Variants in SHISA9 observed in about 807,000 individuals in gnomAD.
The protein encoded by SHISA9 is protein shisa-9.
In SHISA9, 13 loss-of-function variants were observed where a neutral mutation model predicts 38.0. The observed-to-expected ratio is 0.34, with a 90% CI of 0.22 to 0.54. SHISA9 has a LOEUF of 0.54. Among genes scored for constraint, SHISA9 ranks in the 20% least tolerant of loss-of-function variants. The pLI is 0.91. For synonymous variants in SHISA9, 275 were observed against 242.0 expected (o/e 1.14, Z -1.27); for missense variants, 538 against 575.8 (o/e 0.93, Z 0.67).
At chr16:12,914,762 G>A (rs1317619827) in intron 1 of SHISA9, among the ~76,000 whole-genome samples, 5 of 152,180 alleles carry the variant, frequency 3.3e-5, no homozygotes, top group Non-Finnish European at 7.3e-5. Context: ...TGTGGCCTTA[G>A]CACGGTCTCA....
intron 2 of SHISA9, among the ~76,000 whole-genome samples, chr16:13,069,422 GTATGTGTA>G (rs1442420592): frequency 6.7e-6 from 1 of 150,188 alleles, no homozygotes; most frequent in Non-Finnish European, 1.5e-5. Context: ...GCATGTGTGT[GTATGTGTA>G]TGTGTATATG....
the SHISA9 span, among the ~76,000 whole-genome samples, chr16:13,435,707 A>G: frequency 6.6e-6 from 1 of 152,198 alleles, no homozygotes; most frequent in African/African-American, 2.4e-5. Context: ...CTGAGGTGAC[A>G]GGTTTTGCAA....
chr16:13,094,362 C>A (rs1015689696), intron 2 of SHISA9, among the ~76,000 whole-genome samples: 1 of 152,072 alleles, frequency 6.6e-6, no homozygotes, highest in African/African-American at 2.4e-5. Context: ...TATACTCATT[C>A]TTATAAAATC....
chr16:13,142,149 G>C (rs1425883464), intron 2 of SHISA9, among the ~76,000 whole-genome samples: 2 of 152,132 alleles, frequency 1.3e-5, no homozygotes, highest in African/African-American at 4.8e-5. Context: ...GGTTCTGCTG[G>C]GTATGACTCT....
At chr16:13,039,011 T>G (rs1480260469) in intron 2 of SHISA9, among the ~76,000 whole-genome samples, 1 of 152,108 alleles carries the variant, frequency 6.6e-6, no homozygotes, top group African/African-American at 2.4e-5. Context: ...TGGATTCAAG[T>G]GATTCTCCTG....
intron 2 of SHISA9, among the ~76,000 whole-genome samples, chr16:13,065,998 C>T (rs2073430432): frequency 6.6e-6 from 1 of 152,182 alleles, no homozygotes; most frequent in African/African-American, 2.4e-5. Context: ...GGGTTCAAAC[C>T]CAAGACCTTC....
Position 13,079,572 on chromosome 16 carries a change from G to C in SHISA9, c.692-123822G>C, listed in dbSNP as rs559488136. On this transcript the variant is annotated intron_variant, in intron 2 of 4. Transcript: ENST00000558583. ...CAAAAAAGTGCTTTAACAAGAGGAG[G>C]CTGCTTGTGCCAATCATAAACACCC... Among the ~76,000 whole-genome samples the C allele has an allele frequency of 2.2e-4, 34 of 152,250 alleles. No individual in the cohort carries two copies. The South Asian group carries it at 7.1e-3, about 32-fold the overall frequency.
At chr16:13,022,290 G>C (rs2072865736) in intron 2 of SHISA9, among the ~76,000 whole-genome samples, 1 of 151,144 alleles carries the variant, frequency 6.6e-6, no homozygotes, top group Admixed American at 6.6e-5. Flanking sequence ...TAACTGGGAC[G>C]ACAGGCATGC....
In SHISA9 at chr16:13,211,979, C is replaced by G. The variant is rs376564826; in HGVS notation, c.848-1274C>G. On this transcript the variant is annotated intron_variant, in intron 3 of 4. Transcript: ENST00000558583. ...CCGACTCAGTTTTAACTTCCTCACTCTTCTCTCTTCTGTTGCTCCAATTGT... is the reference window on the plus strand; with the variant it reads ...CCGACTCAGTTTTAACTTCCTCACTGTTCTCTCTTCTGTTGCTCCAATTGT... Among the ~76,000 whole-genome samples, 171 of 152,288 alleles carry G rather than the reference C, an allele frequency of 1.1e-3. 2 individuals are homozygous for G. In the South Asian group the frequency reaches 0.033, roughly 30 times the overall value.
At chr16:13,052,634 A>C (rs1361379602) in intron 2 of SHISA9, among the ~76,000 whole-genome samples, 1 of 152,252 alleles carries the variant, frequency 6.6e-6, no homozygotes, top group Non-Finnish European at 1.5e-5. Context: ...CACCCAACCA[A>C]GAAATCCATA....
chr16:13,412,580 G>C, the SHISA9 span, among the ~76,000 whole-genome samples: 1 of 152,062 alleles, frequency 6.6e-6, no homozygotes, highest in Non-Finnish European at 1.5e-5. Context: ...AAGGAGGCCG[G>C]GCATGATGGC....
chr16:13,005,367 A>T (rs2072585480), intron 2 of SHISA9, among the ~76,000 whole-genome samples: 1 of 152,170 alleles, frequency 6.6e-6, no homozygotes, highest in Admixed American at 6.5e-5. Flanking sequence ...GTATGGGTGA[A>T]GGGCAACCAA....
chr16:13,256,578 C>T, the SHISA9 span, among the ~76,000 whole-genome samples: 12 of 152,318 alleles, frequency 7.9e-5, no homozygotes, highest in African/African-American at 2.9e-4. Context: ...CTGCACCTGG[C>T]CGTATATTGT....
chr16:13,538,508 T>C, the SHISA9 span, among the ~76,000 whole-genome samples: 2 of 152,064 alleles, frequency 1.3e-5, no homozygotes, highest in Non-Finnish European at 2.9e-5. Context: ...CTTTGGAAAA[T>C]GGATTTTAAA....
At chr16:12,957,575 C>T (rs1292845924) in intron 2 of SHISA9, among the ~76,000 whole-genome samples, 1 of 152,180 alleles carries the variant, frequency 6.6e-6, no homozygotes, top group African/African-American at 2.4e-5. Context: ...ATGACATCAT[C>T]TAATCCTAAT....
the SHISA9 span, among the ~76,000 whole-genome samples, chr16:13,378,601 A>C: frequency 6.6e-6 from 1 of 152,194 alleles, no homozygotes; most frequent in Admixed American, 6.5e-5. Context: ...ACTGTTATTC[A>C]TGCACCTGTC....
the SHISA9 span, among the ~76,000 whole-genome samples, chr16:13,510,820 A>C: frequency 6.6e-6 from 1 of 152,066 alleles, no homozygotes; most frequent in Non-Finnish European, 1.5e-5. Flanking sequence ...AAGGTAATAG[A>C]CTAAGAATTG....
the SHISA9 span, among the ~76,000 whole-genome samples, chr16:13,299,906 A>G: frequency 6.6e-6 from 1 of 152,118 alleles, no homozygotes; most frequent in Non-Finnish European, 1.5e-5. Flanking sequence ...CTGGTTGTAC[A>G]TACTCTATAG....
intron 2 of SHISA9, among the ~76,000 whole-genome samples, chr16:13,015,360 G>C (rs2141856757): frequency 6.6e-6 from 1 of 152,244 alleles, no homozygotes. Flanking sequence ...TCTTTTAATA[G>C]TCTTGTGACA....
Sources: gnomAD v4.1 joint callset for allele counts (sites outside exome capture counted in the v4.1 genomes callset) on GRCh38, gnomAD v4.1.1 for gene constraint, MANE v1.5 for transcripts, NCBI Gene and HGNC (gene_info 2026-07-23, HGNC 2026-07-21) for gene names.